EXD2: variants seen among roughly 807,000 people sequenced by gnomAD.
EXD2 encodes the protein exonuclease 3'-5' domain containing 2, also known as exonuclease 3'-5' domain-containing protein 2.
EXD2 carries 40 observed loss-of-function variants against 62.5 expected under a neutral mutation model. The observed-to-expected ratio is 0.64, with a 90% CI of 0.50 to 0.83. The LOEUF (loss-of-function observed/expected upper bound fraction) is 0.83. Ranked by LOEUF, EXD2 falls within the 40% of genes least tolerant of loss-of-function variation. The pLI is 0.00. For synonymous variants in EXD2, 239 were observed against 291.9 expected (o/e 0.82, Z 1.85); for missense variants, 671 against 761.8 (o/e 0.88, Z 1.40).
chr14:69,201,567 C>G (rs369619451), intron 1 of EXD2, among the ~76,000 whole-genome samples: 7 of 152,164 alleles, frequency 4.6e-5, no homozygotes, highest in South Asian at 4.2e-4. Flanking sequence ...GCTGTTCCCT[C>G]CACTTGCAGT....
chr14:69,201,045 G>C (rs2042380276), intron 1 of EXD2, among the ~76,000 whole-genome samples: 1 of 151,446 alleles, frequency 6.6e-6, no homozygotes, highest in Admixed American at 6.6e-5. Flanking sequence ...TTGCACTCCA[G>C]CCGGAGTGAC....
Position 69,242,214 on chromosome 14 carries a change from G to C in EXD2, c.*1114G>C, listed in dbSNP as rs2043999366. The C allele has an allele frequency of 2.5e-6, 1 of 394,788 alleles. No homozygotes were observed. The highest frequency in any genetic ancestry group is 4.4e-5 in the Admixed American group (1 of 22,624). 24.5% of individuals were successfully genotyped at this position (394,788 alleles called of 1,614,324 possible). On this transcript the variant is annotated 3_prime_UTR_variant, in exon 10 of 10. Transcript: ENST00000685843. ...TGATTAGTAATTTTTCTAAAGTATT[G>C]GGAAAACTTTCTTATTTTATAAGAT...
intron 1 of EXD2, among the ~76,000 whole-genome samples, chr14:69,196,473 AC>A (rs2042207829): frequency 6.6e-6 from 1 of 152,162 alleles, no homozygotes; most frequent in South Asian, 2.1e-4. Flanking sequence ...TTTAGTACGG[AC>A]ATGTGTTTTC....
At chr14:69,238,852 C>T (rs1297477377) in intron 9 of EXD2, among the ~76,000 whole-genome samples, 2 of 152,150 alleles carry the variant, frequency 1.3e-5, no homozygotes, top group African/African-American at 4.8e-5. Flanking sequence ...CCAGGCTGGT[C>T]TCAGATTCCT....
chr14:69,236,216 G>T, intron 7 of EXD2, 64 bp downstream of exon 7: 1 of 1,530,698 alleles, frequency 6.5e-7, no homozygotes, highest in Non-Finnish European at 9.1e-7. Context: ...CAGGAGTGGG[G>T]AGTGAGATAA....
chr14:69,242,178 C>A lies in EXD2; in HGVS notation c.*1078C>A, dbSNP rs572329975. The A allele has an allele frequency of 1.8e-5, 7 of 397,172 alleles. No individual in the cohort carries two copies. The highest frequency in any genetic ancestry group is 1.0e-4 in the African/African-American group (5 of 48,676). 24.6% of individuals were successfully genotyped at this position (397,172 alleles called of 1,614,324 possible). On this transcript the variant is annotated 3_prime_UTR_variant, in exon 10 of 10. Coordinates refer to ENST00000685843, the MANE Select transcript of EXD2 (RefSeq NM_001193360.2). ...TAGGCCATTACTTTGAGTATAAAATCGACTTATTAATGATTAGTAATTTTT... is the reference window on the plus strand; with the variant it reads ...TAGGCCATTACTTTGAGTATAAAATAGACTTATTAATGATTAGTAATTTTT...
At chr14:69,233,194 T>G (rs1201396123) in intron 5 of EXD2, among the ~76,000 whole-genome samples, 1 of 152,194 alleles carries the variant, frequency 6.6e-6, no homozygotes, top group Admixed American at 6.5e-5. Context: ...CACATTCTTC[T>G]GTGGGAAACA....
chr14:69,240,141 T>C (rs920146577), intron 9 of EXD2, among the ~76,000 whole-genome samples: 18 of 151,984 alleles, frequency 1.2e-4, no homozygotes, highest in Non-Finnish European at 2.6e-4. Flanking sequence ...GGATTGAACA[T>C]GGGGTATGGA....
chr14:69,232,045 G>C (rs958100693), intron 5 of EXD2, among the ~76,000 whole-genome samples: 1 of 152,032 alleles, frequency 6.6e-6, no homozygotes, highest in South Asian at 2.1e-4. Context: ...GTCACTGAGT[G>C]GGGGAAAGGT....
intron 1 of EXD2, among the ~76,000 whole-genome samples, chr14:69,194,789 A>C (rs1380813842): frequency 6.6e-6 from 1 of 152,250 alleles, no homozygotes; most frequent in African/African-American, 2.4e-5. Flanking sequence ...TAAATACTCC[A>C]TCATGATTAT....
chr14:69,220,963 C>T (rs1333319604), intron 3 of EXD2, among the ~76,000 whole-genome samples: 2 of 152,154 alleles, frequency 1.3e-5, no homozygotes, highest in Admixed American at 6.5e-5. Flanking sequence ...AATTCCTGGG[C>T]TCAAGCAATC....
chr14:69,229,490 C>T (rs937489627), intron 4 of EXD2, among the ~76,000 whole-genome samples: 1 of 152,212 alleles, frequency 6.6e-6, no homozygotes, highest in Non-Finnish European at 1.5e-5. Context: ...TAGATGGCAG[C>T]ATTTGGCTGG....
intron 3 of EXD2, among the ~76,000 whole-genome samples, chr14:69,211,881 C>A (rs1256266153): frequency 2.0e-5 from 3 of 152,088 alleles, no homozygotes; most frequent in Non-Finnish European, 4.4e-5. Context: ...ATAGCAGAGG[C>A]ATAGAAAAGT....
chr14:69,193,061 T>TCC (rs369014939), intron 1 of EXD2, among the ~76,000 whole-genome samples: 7 of 111,550 alleles, frequency 6.3e-5, no homozygotes, highest in Admixed American at 6.1e-4. Context: ...TCTCTCTCTC[T>TCC]TTTTTTTTTT....
At chr14:69,208,400 C>T (rs917202610) in intron 2 of EXD2, among the ~76,000 whole-genome samples, 5 of 151,430 alleles carry the variant, frequency 3.3e-5, no homozygotes, top group Non-Finnish European at 7.4e-5. Context: ...TTAGTAGAGA[C>T]GGGGTTTCAC....
intron 2 of EXD2, among the ~76,000 whole-genome samples, chr14:69,208,175 G>A (rs2042674010): frequency 6.6e-6 from 1 of 150,934 alleles, no homozygotes; most frequent in African/African-American, 2.4e-5. Context: ...TGGGATTACA[G>A]GCATGAGCCA....
Position 69,223,017 on chromosome 14 carries a change from G to A in EXD2, c.334-5799G>A, listed in dbSNP as rs569111788. Among the ~76,000 whole-genome samples the A allele has an allele frequency of 9.9e-5, 15 of 152,268 alleles. No homozygotes were observed. In the South Asian group the frequency reaches 2.9e-3, roughly 29 times the overall value. Reference sequence around the variant, plus strand: ...GCCCAGTTCTTTAAAAAGAAACTTGGAGTATGGATTCTTTAAAATGTGAAC... The same window carrying A: ...GCCCAGTTCTTTAAAAAGAAACTTGAAGTATGGATTCTTTAAAATGTGAAC... On this transcript the variant is annotated intron_variant, in intron 3 of 9. Coordinates refer to ENST00000685843, the MANE Select transcript of EXD2 (RefSeq NM_001193360.2).
chr14:69,228,794 A>G (rs2043462696), intron 3 of EXD2, 22 bp from the exon 4 acceptor site: 2 of 1,598,704 alleles, frequency 1.3e-6, no homozygotes, highest in Admixed American at 1.8e-5. Flanking sequence ...GTGAACCACA[A>G]CCTTGTCTTC....
intron 1 of EXD2, among the ~76,000 whole-genome samples, chr14:69,201,836 C>G (rs190805567): frequency 6.6e-6 from 1 of 152,072 alleles, no homozygotes; most frequent in Admixed American, 6.5e-5. Flanking sequence ...GCGCACACCA[C>G]CACACCCGGC....
Sources: allele counts gnomAD v4.1 joint callset (sites outside exome capture counted in the v4.1 genomes callset), GRCh38; gene constraint gnomAD v4.1.1; transcripts MANE v1.5; gene names NCBI Gene and HGNC (gene_info 2026-07-23, HGNC 2026-07-21).